Variants in PCDHGB4 observed in about 807,000 individuals in gnomAD.
PCDHGB4 encodes protocadherin gamma-B4.
In PCDHGB4, 38 loss-of-function variants were observed where a neutral mutation model predicts 60.5. That is an observed-to-expected ratio of 0.63 (90% confidence interval 0.48 to 0.82). The LOEUF (loss-of-function observed/expected upper bound fraction) is 0.82. PCDHGB4 is among the 40% of genes least tolerant of loss of function. The pLI, the probability that PCDHGB4 is intolerant of heterozygous loss-of-function variation, is 0.00. For synonymous variants in PCDHGB4, 456 were observed against 509.7 expected, an observed-to-expected ratio of 0.89 and a Z score of 1.42; for missense variants, 1,109 against 1,209.6, an observed-to-expected ratio of 0.92 and a Z score of 1.23.
At chr5:141,399,798 G>A in intron 1 of PCDHGB4, 1 of 1,613,236 alleles carries the variant, frequency 6.2e-7, no homozygotes. Context: ...ACGCACCGCG[G>A]GTGCTGTACC....
At chr5:141,421,999 T>C in intron 1 of PCDHGB4, 1 of 1,609,214 alleles carries the variant, frequency 6.2e-7, no homozygotes, top group Non-Finnish European at 8.5e-7. Context: ...AAACATCAGC[T>C]CCGGAACTCG....
intron 1 of PCDHGB4, chr5:141,405,544 C>T: frequency 1.6e-6 from 1 of 632,908 alleles, no homozygotes; most frequent in Non-Finnish European, 2.7e-6. Context: ...CTCAGCCTCC[C>T]AAGTAGAGTA....
At chr5:141,392,746 G>T in intron 1 of PCDHGB4, 1 of 1,443,974 alleles carries the variant, frequency 6.9e-7, no homozygotes, top group South Asian at 1.5e-5. Flanking sequence ...CATAGCTGCG[G>T]CAAGAAACTA....
intron 1 of PCDHGB4, among the ~76,000 whole-genome samples, chr5:141,480,911 G>A (rs2154578422): frequency 6.6e-6 from 1 of 152,218 alleles, no homozygotes; most frequent in East Asian, 1.9e-4. Flanking sequence ...TGGGCATGGT[G>A]GCGCATACCT....
At chr5:141,394,506 C>T (rs1487868399) in intron 1 of PCDHGB4, 1 of 1,614,096 alleles carries the variant, frequency 6.2e-7, no homozygotes, top group Non-Finnish European at 8.5e-7. Flanking sequence ...GATCCTGTAC[C>T]CCGCCCTCCC....
chr5:141,479,490 G>A (rs1334340000), intron 1 of PCDHGB4: 1 of 152,248 alleles, frequency 6.6e-6, no homozygotes, highest in Non-Finnish European at 1.5e-5. Context: ...AGGACCATCA[G>A]GTTGCCTAAA....
chr5:141,422,330 C>A, intron 1 of PCDHGB4: 1 of 1,548,166 alleles, frequency 6.5e-7, no homozygotes. Flanking sequence ...ACAGTGATTG[C>A]TCTTCTAAAT....
intron 1 of PCDHGB4, chr5:141,407,971 G>T (rs1399304138): frequency 2.8e-6 from 2 of 717,762 alleles, no homozygotes; most frequent in Non-Finnish European, 4.3e-6. Context: ...AAGCGCTGAC[G>T]CCGGGGATCC....
chr5:141,447,558 G>T (rs551305232), intron 1 of PCDHGB4, among the ~76,000 whole-genome samples: 1 of 152,264 alleles, frequency 6.6e-6, no homozygotes, highest in African/African-American at 2.4e-5. Context: ...GAGTACACTT[G>T]GAGGATTCTA....
chr5:141,473,763 G>A (rs1333191998), intron 1 of PCDHGB4, among the ~76,000 whole-genome samples: 1 of 152,204 alleles, frequency 6.6e-6, no homozygotes, highest in African/African-American at 2.4e-5. Context: ...ACTATGCAAA[G>A]GATTTGGTAT....
At chr5:141,494,708 C>T (rs1481947557) in intron 1 of PCDHGB4, 99 bp from the exon 2 acceptor site, 2 of 1,599,566 alleles carry the variant, frequency 1.3e-6, no homozygotes, top group Non-Finnish European at 1.7e-6. Flanking sequence ...CTTCTCTGTG[C>T]CCACTCCCCT....
At position 141,431,020 on chromosome 5, in the gene PCDHGB4, G is replaced by T. The variant is rs941765907; in HGVS notation, c.2397+40739G>T. ...CGCGCAGCGGCAGCTTGGTCACGGCGGGCAGGATAGACCGGGAGGAGCTCT... is the reference window on the plus strand; with the variant it reads ...CGCGCAGCGGCAGCTTGGTCACGGCTGGCAGGATAGACCGGGAGGAGCTCT... On this transcript the variant is annotated intron_variant, in intron 1 of 3. Coordinates refer to ENST00000519479, the MANE Select transcript of PCDHGB4 (RefSeq NM_003736.4). This position sits in a 1 kb window ranked among gnomAD's most constrained non-coding sequence, Gnocchi z 4.8. 2.5e-6 allele frequency: 4 copies of T among 1,614,050 alleles called. No homozygotes were observed. The East Asian group carries it at 8.9e-5, about 36-fold the overall frequency.
At position 141,432,995 on chromosome 5, in the gene PCDHGB4, G is replaced by A. The variant is rs576866505; in HGVS notation, c.2397+42714G>A. On this transcript the variant is annotated intron_variant, in intron 1 of 3. Transcript: ENST00000519479. This position sits in a 1 kb window ranked among gnomAD's most constrained non-coding sequence, Gnocchi z 6.0. ...GTCGCACTTTGTGGGCGTGGACGGGGTGCAGGCTTTCCTGCAGACCTATTC... is the reference window on the plus strand; with the variant it reads ...GTCGCACTTTGTGGGCGTGGACGGGATGCAGGCTTTCCTGCAGACCTATTC... The A allele has an allele frequency of 1.2e-6, 2 of 1,614,226 alleles. No individual in the cohort carries two copies. The highest frequency in any genetic ancestry group is 3.3e-5 in the Admixed American group (2 of 60,028).
rs763187246 is a variant in PCDHGB4 at position 141,477,168 on chromosome 5, A to G, written c.2398-17639A>G. ...GTGGATGTGAATGACAACGCCCCGGAGATCACAGTCACCTCCGTGTACAGC... is the reference window on the plus strand; with the variant it reads ...GTGGATGTGAATGACAACGCCCCGGGGATCACAGTCACCTCCGTGTACAGC... On this transcript the variant is annotated intron_variant, in intron 1 of 3. Transcript: ENST00000519479. The surrounding 1 kb of genome is among the most constrained non-coding windows in gnomAD (Gnocchi z 4.9). The G allele has an allele frequency of 6.2e-7, 1 of 1,614,210 alleles. No homozygotes were observed. Among genetic ancestry groups the G allele is most frequent in the Non-Finnish European group, 8.5e-7 (1 of 1,180,040 alleles).
In PCDHGB4 at chr5:141,388,034, C is replaced by T; in HGVS notation, c.150C>T (p.Leu50=). ...CCAAGGGCTCCGTAGTGGGGAACCT[C>T]GCCACGGACCTGGGGTTCAGCGTCC... The part of the protein sequence containing the change: ...EMPKGSVVGN[L]ATDLGFSVQE... Residue 50 remains leucine (L), a synonymous_variant, in exon 1 of 4, where the codon CTC becomes CTT. Coordinates refer to ENST00000519479, the MANE Select transcript of PCDHGB4 (RefSeq NM_003736.4). The T allele has an allele frequency of 1.4e-6, 2 of 1,423,576 alleles. No individual in the cohort carries two copies. Among genetic ancestry groups the T allele is most frequent in the Non-Finnish European group, 1.9e-6 (2 of 1,046,470 alleles). 88.2% of individuals were successfully genotyped at this position (1,423,576 alleles called of 1,614,324 possible). A position where few individuals can be genotyped will look rare whatever the true frequency, so the allele number is the denominator to read the frequency against.
intron 1 of PCDHGB4, chr5:141,398,187 C>G (rs1329117309): frequency 5.8e-5 from 86 of 1,481,250 alleles, no homozygotes; most frequent in Non-Finnish European, 7.6e-5. Context: ...TCTTTCTCTT[C>G]CTGCTGTCTT....
At position 141,432,204 on chromosome 5, in the gene PCDHGB4, A is replaced by G. The variant is rs1204867610; in HGVS notation, c.2397+41923A>G. On this transcript the variant is annotated intron_variant, in intron 1 of 3. Coordinates refer to ENST00000519479, the MANE Select transcript of PCDHGB4 (RefSeq NM_003736.4). This position sits in a 1 kb window ranked among gnomAD's most constrained non-coding sequence, Gnocchi z 6.0. ...GTGACCGCCCACGACCCCGACTGTG[A>G]AGAGAACGCCCAGATCACTTATTCC... 1.9e-6 allele frequency: 3 copies of G among 1,614,070 alleles called. No homozygotes were observed. Among genetic ancestry groups the G allele is most frequent in the African/African-American group, 2.7e-5 (2 of 74,928 alleles).
intron 1 of PCDHGB4, among the ~76,000 whole-genome samples, chr5:141,482,179 G>A (rs1398839482): frequency 6.6e-6 from 1 of 152,040 alleles, no homozygotes; most frequent in Non-Finnish European, 1.5e-5. Flanking sequence ...AAGGCTTTAC[G>A]ATGCTCCAGT....
At chr5:141,421,325 G>T in intron 1 of PCDHGB4, 1 of 1,613,906 alleles carries the variant, frequency 6.2e-7, no homozygotes, top group Non-Finnish European at 8.5e-7. Flanking sequence ...AGGCAGATCC[G>T]ATATTCGGTG....
Sources: gnomAD v4.1 joint callset for allele counts (sites outside exome capture counted in the v4.1 genomes callset) on GRCh38, gnomAD v4.1.1 for gene constraint, Gnocchi (gnomAD v3.1) non-coding constraint, MANE v1.5 for transcripts, NCBI Gene and HGNC (gene_info 2026-07-23, HGNC 2026-07-21) for gene names.